Variants in ADAMTS16 observed in about 807,000 individuals in gnomAD.
ADAMTS16 encodes the protein A disintegrin and metalloproteinase with thrombospondin motifs 16.
ADAMTS16 carries 94 observed loss-of-function variants against 145.8 expected under a neutral mutation model. The observed-to-expected ratio is 0.64, with a 90% confidence interval of 0.55 to 0.77. The LOEUF (loss-of-function observed/expected upper bound fraction) is 0.77, where lower values mean the gene tolerates loss of function less well. Ranked by LOEUF, ADAMTS16 falls within the 30% of genes least tolerant of loss-of-function variation. The pLI is 0.00. For synonymous variants in ADAMTS16, 659 were observed against 604.3 expected, an observed-to-expected ratio of 1.09 and a Z score of -1.33; for missense variants, 1,585 against 1,591.5, an observed-to-expected ratio of 1.00 and a Z score of 0.07.
chr5:5,278,001 CTAAAGAGAAG>C (rs965408763), intron 18 of ADAMTS16, among the ~76,000 whole-genome samples: 2 of 152,022 alleles, frequency 1.3e-5, no homozygotes, highest in African/African-American at 4.8e-5. Flanking sequence ...AAAAAAAAGA[CTAAAGAGAAG>C]TAAAGAGAAG....
At chr5:5,245,502 A>C (rs1363361280) in intron 17 of ADAMTS16, among the ~76,000 whole-genome samples, 3 of 152,214 alleles carry the variant, frequency 2.0e-5, no homozygotes, top group African/African-American at 4.8e-5. Flanking sequence ...TGCATATTGT[A>C]TAATTTTTAA....
chr5:5,315,743 T>C (rs1179374558), intron 21 of ADAMTS16, among the ~76,000 whole-genome samples: 2 of 152,326 alleles, frequency 1.3e-5, no homozygotes, highest in East Asian at 3.9e-4. Context: ...TTCCGAAAGA[T>C]GTAATAAGTG....
rs747923579 is a variant in ADAMTS16 at position 5,317,150 on chromosome 5, G to A, written c.3412-984G>A. 7.9e-5 allele frequency among the ~76,000 whole-genome samples: 12 copies of A among 152,292 alleles called. No individual in the cohort carries two copies. Among genetic ancestry groups the A allele is most frequent in the Admixed American group, 2.0e-4 (3 of 15,304 alleles). On this transcript the variant is annotated intron_variant, in intron 21 of 22. Transcript: ENST00000274181. The surrounding 1 kb of genome is among the most constrained non-coding windows in gnomAD (Gnocchi z 4.5). ...GGCTGGTCCTGGGGACAAGAGTTAG[G>A]GAAGTAAGTACCTTTGCGCCAGGTC...
chr5:5,274,737 G>GATATATAT (rs34377817), intron 18 of ADAMTS16, among the ~76,000 whole-genome samples: 1 of 145,394 alleles, frequency 6.9e-6, no homozygotes, highest in Non-Finnish European at 1.5e-5. Flanking sequence ...TGCACACACA[G>GATATATAT]ATATATATAT....
chr5:5,176,245 A>T (rs1735192747), intron 3 of ADAMTS16: 1 of 152,194 alleles, frequency 6.6e-6, no homozygotes. Flanking sequence ...TCCTTGTTGC[A>T]CTTTGGGTTT....
intron 9 of ADAMTS16, among the ~76,000 whole-genome samples, 169 bp downstream of exon 9, chr5:5,200,438 G>C (rs145997537): frequency 1.6e-3 from 241 of 152,322 alleles, no homozygotes; most frequent in Middle Eastern, 6.8e-3. Context: ...AATCTCCTTA[G>C]AGCATGGAGG....
In ADAMTS16 at chr5:5,237,176, A is replaced by G. The variant is rs367623428; in HGVS notation, c.2154+77A>G. The G allele has an allele frequency of 5.6e-5, 84 of 1,493,902 alleles. No homozygotes were observed. In the Middle Eastern group the frequency reaches 7.0e-4, roughly 12 times the overall value. 92.5% of individuals were successfully genotyped at this position (1,493,902 alleles called of 1,614,324 possible). ...GTGTCAAGCATCCTGTAGAGGCTAG[A>G]AAGACTGGACATATGAGACAAGCCT... On this transcript the variant is annotated intron_variant, in intron 14 of 22. Transcript: ENST00000274181.
intron 18 of ADAMTS16, among the ~76,000 whole-genome samples, chr5:5,297,655 G>C (rs1441247822): frequency 6.6e-6 from 1 of 152,176 alleles, no homozygotes; most frequent in Non-Finnish European, 1.5e-5. Context: ...AGGATGGTGA[G>C]ACAGGAAAAC....
intron 3 of ADAMTS16, among the ~76,000 whole-genome samples, chr5:5,146,866 G>C (rs532993617): frequency 1.3e-5 from 2 of 152,352 alleles, no homozygotes; most frequent in South Asian, 4.1e-4. Flanking sequence ...AGGATTATTT[G>C]ATCAGATATT....
In ADAMTS16 at chr5:5,310,668, C is replaced by T. The variant is rs929446739; in HGVS notation, c.3411+3940C>T. The stretch of plus-strand genomic sequence containing the variant: ...AGAACACCGAGGACTGCCAGCACCA[C>T]CAGATTCTGCACCAGGCATGACGGG... On this transcript the variant is annotated intron_variant, in intron 21 of 22. Coordinates refer to ENST00000274181, the MANE Select transcript of ADAMTS16 (RefSeq NM_139056.4). This position sits in a 1 kb window ranked among gnomAD's most constrained non-coding sequence, Gnocchi z 4.3. Among the ~76,000 whole-genome samples, 10 of 152,176 alleles carry T rather than the reference C, an allele frequency of 6.6e-5. No individual in the cohort carries two copies. The highest frequency in any genetic ancestry group is 2.4e-4 in the African/African-American group (10 of 41,450).
At chr5:5,257,833 C>T (rs535598802) in intron 17 of ADAMTS16, among the ~76,000 whole-genome samples, 2 of 152,154 alleles carry the variant, frequency 1.3e-5, no homozygotes, top group East Asian at 1.9e-4. Context: ...CCCTCAGATG[C>T]CAGTTTCCAG....
intron 12 of ADAMTS16, among the ~76,000 whole-genome samples, chr5:5,234,596 G>T (rs2913627): frequency 9.5e-4 from 144 of 152,166 alleles, no homozygotes; most frequent in African/African-American, 3.2e-3. Flanking sequence ...TTCCAGCTGG[G>T]CGTGGTGGCT....
chr5:5,289,757 T>A (rs1361585436), intron 18 of ADAMTS16, among the ~76,000 whole-genome samples: 1 of 152,222 alleles, frequency 6.6e-6, no homozygotes, highest in Non-Finnish European at 1.5e-5. Flanking sequence ...GGGTTTCCAG[T>A]GGTTTTCTCA....
At chr5:5,190,171 G>C (rs183846779) in intron 7 of ADAMTS16, 41 bp downstream of exon 7, 2 of 1,522,558 alleles carry the variant, frequency 1.3e-6, no homozygotes, top group Admixed American at 4.4e-5. Context: ...TGTGTGGAAT[G>C]TGCACCCCTG....
chr5:5,275,922 G>A (rs544708208), intron 18 of ADAMTS16, among the ~76,000 whole-genome samples: 18 of 151,738 alleles, frequency 1.2e-4, no homozygotes, highest in Non-Finnish European at 2.4e-4. Flanking sequence ...GTGCAGTGGT[G>A]CAATCAGCTC....
intron 18 of ADAMTS16, among the ~76,000 whole-genome samples, chr5:5,296,854 C>T (rs1010947842): frequency 1.3e-5 from 2 of 152,134 alleles, no homozygotes; most frequent in African/African-American, 4.8e-5. Context: ...GTTGCCTACC[C>T]GTGTGTTACC....
At chr5:5,166,825 T>G (rs1734898186) in intron 3 of ADAMTS16, among the ~76,000 whole-genome samples, 1 of 152,228 alleles carries the variant, frequency 6.6e-6, no homozygotes, top group South Asian at 2.1e-4. Context: ...AAGTATCATA[T>G]GTGAATATTT....
At chr5:5,148,870 C>T (rs1279030943) in intron 3 of ADAMTS16, among the ~76,000 whole-genome samples, 1 of 152,066 alleles carries the variant, frequency 6.6e-6, no homozygotes, top group Non-Finnish European at 1.5e-5. Flanking sequence ...CGGGGACAGG[C>T]ATGGGAGCCA....
At position 5,200,243 on chromosome 5, in the gene ADAMTS16, C is replaced by T. The variant is rs1257386874; in HGVS notation, c.1425C>T (p.Ser475=). 6.2e-7 allele frequency: 1 copy of T among 1,614,040 alleles called. No homozygotes were observed. The highest frequency in any genetic ancestry group is 1.1e-5 in the South Asian group (1 of 91,072). ...RNGVFSWSPC[S]RQYLHKFLST... ...GAGTCTTCTCCTGGTCACCCTGCAG[C>T]CGCCAGTATCTACACAAATTTCTAA... Residue 475 remains serine, a synonymous_variant, in exon 9 of 23, where the codon AGC becomes AGT. Coordinates refer to ENST00000274181, the MANE Select transcript of ADAMTS16 (RefSeq NM_139056.4).
Sources: gnomAD v4.1 joint callset for allele counts (sites outside exome capture counted in the v4.1 genomes callset) on GRCh38, gnomAD v4.1.1 for gene constraint, Gnocchi (gnomAD v3.1) non-coding constraint, MANE v1.5 for transcripts, NCBI Gene and HGNC (gene_info 2026-07-23, HGNC 2026-07-21) for gene names.